Variants in SLC8A1 observed in about 807,000 individuals in gnomAD.
The protein encoded by SLC8A1 is sodium/calcium exchanger 1.
In SLC8A1, 18 loss-of-function variants were observed where a neutral mutation model predicts 68.3. The ratio of observed to expected loss-of-function variants is 0.26; its 90% CI spans 0.18 to 0.39. SLC8A1 has a LOEUF of 0.39. SLC8A1 is among the 10% of genes least tolerant of loss of function. SLC8A1 has a pLI of 1.00. For synonymous variants in SLC8A1, 475 were observed against 415.5 expected, an observed-to-expected ratio of 1.14 and a Z score of -1.74; for missense variants, 985 against 1,156.7, an observed-to-expected ratio of 0.85 and a Z score of 2.15.
chr2:40,444,176 A>C (rs1452413950), intron 1 of SLC8A1, among the ~76,000 whole-genome samples: 2 of 152,058 alleles, frequency 1.3e-5, no homozygotes, highest in Non-Finnish European at 2.9e-5. Context: ...CTCTACAAAA[A>C]TAAAATTAAA....
chr2:40,229,917 G>C (rs922781421), intron 2 of SLC8A1, among the ~76,000 whole-genome samples: 1 of 152,140 alleles, frequency 6.6e-6, no homozygotes, highest in Non-Finnish European at 1.5e-5. Flanking sequence ...AGATAAATAA[G>C]TTCATATCTT....
intron 1 of SLC8A1, among the ~76,000 whole-genome samples, chr2:40,490,978 T>C (rs1705277946): frequency 6.6e-6 from 1 of 152,158 alleles, no homozygotes; most frequent in East Asian, 1.9e-4. Flanking sequence ...CCATTCACTA[T>C]ACCTTCTATG....
chr2:40,379,043 T>C (rs1261521393), intron 2 of SLC8A1, among the ~76,000 whole-genome samples: 6 of 152,178 alleles, frequency 3.9e-5, no homozygotes, highest in Non-Finnish European at 8.8e-5. Context: ...TCCATCTTTG[T>C]CACTGTTTTA....
intron 2 of SLC8A1, among the ~76,000 whole-genome samples, chr2:40,239,904 G>T (rs552762569): frequency 6.6e-6 from 1 of 152,114 alleles, no homozygotes; most frequent in African/African-American, 2.4e-5. Flanking sequence ...CATGGAAACC[G>T]AACGAATATC....
chr2:40,347,708 T>C (rs1669784099), intron 2 of SLC8A1, among the ~76,000 whole-genome samples: 1 of 152,184 alleles, frequency 6.6e-6, no homozygotes, highest in African/African-American at 2.4e-5. Context: ...TGAAATACTT[T>C]CGAAATATTG....
At chr2:40,395,149 C>A (rs1686513967) in intron 2 of SLC8A1, among the ~76,000 whole-genome samples, 1 of 152,106 alleles carries the variant, frequency 6.6e-6, no homozygotes, top group Non-Finnish European at 1.5e-5. Flanking sequence ...AGGGGAACAA[C>A]AACAAAAGCA....
At chr2:40,203,723 TGA>T (rs1469684472) in intron 2 of SLC8A1, among the ~76,000 whole-genome samples, 2 of 151,982 alleles carry the variant, frequency 1.3e-5, no homozygotes, top group Non-Finnish European at 2.9e-5. Context: ...TATTTTATTT[TGA>T]GACAGGGTCT....
At chr2:40,454,480 C>CTTT (rs543088073), upstream of SLC8A1, among the ~76,000 whole-genome samples, 14 of 119,518 alleles carry the variant, frequency 1.2e-4, no homozygotes, top group African/African-American at 4.1e-4. Flanking sequence ...TGTCTTAAGA[C>CTTT]TTTTTTTTTT....
chr2:40,507,587 G>T (rs1027211672), intron 1 of SLC8A1, among the ~76,000 whole-genome samples: 1 of 151,818 alleles, frequency 6.6e-6, no homozygotes, highest in Non-Finnish European at 1.5e-5. Flanking sequence ...TTTTTAAAAG[G>T]CACGGAAATG....
At chr2:40,171,373 TTTAA>T (rs1432507287) in intron 4 of SLC8A1, among the ~76,000 whole-genome samples, 1 of 152,216 alleles carries the variant, frequency 6.6e-6, no homozygotes, top group African/African-American at 2.4e-5. Flanking sequence ...CTGACTGATT[TTTAA>T]TTAGAGAACT....
At chr2:40,488,373 T>G (rs966518459) in intron 1 of SLC8A1, among the ~76,000 whole-genome samples, 1 of 152,086 alleles carries the variant, frequency 6.6e-6, no homozygotes, top group Non-Finnish European at 1.5e-5. Flanking sequence ...TCAGGCCCAT[T>G]CGTATTCTCT....
At chr2:40,470,798 A>G (rs1010964823) in intron 1 of SLC8A1, among the ~76,000 whole-genome samples, 3 of 152,050 alleles carry the variant, frequency 2.0e-5, no homozygotes, top group Non-Finnish European at 4.4e-5. Context: ...AACAATAAAA[A>G]TAAAATTAAA....
At chr2:40,121,224 A>C (rs2036714734) in intron 7 of SLC8A1, among the ~76,000 whole-genome samples, 1 of 152,150 alleles carries the variant, frequency 6.6e-6, no homozygotes, top group Admixed American at 6.5e-5. Flanking sequence ...ACAGAAATAC[A>C]CCTTTTAACA....
intron 2 of SLC8A1, among the ~76,000 whole-genome samples, chr2:40,398,535 A>G (rs1687709136): frequency 6.6e-6 from 1 of 152,252 alleles, no homozygotes; most frequent in African/African-American, 2.4e-5. Context: ...CATACCATTA[A>G]GGTGACCCAC....
intron 2 of SLC8A1, among the ~76,000 whole-genome samples, chr2:40,207,946 T>C (rs1375479554): frequency 3.9e-5 from 6 of 152,060 alleles, no homozygotes; most frequent in East Asian, 3.9e-4. Flanking sequence ...CTCTGGGAAG[T>C]TGGGCAGATT....
chr2:40,379,074 A>T (rs777498397), intron 2 of SLC8A1, among the ~76,000 whole-genome samples: 1 of 152,154 alleles, frequency 6.6e-6, no homozygotes, highest in African/African-American at 2.4e-5. Context: ...CCAGAATAGC[A>T]TCTGGCTCAT....
intron 2 of SLC8A1, among the ~76,000 whole-genome samples, chr2:40,280,507 A>G (rs1467407379): frequency 6.6e-6 from 1 of 152,078 alleles, no homozygotes; most frequent in African/African-American, 2.4e-5. Flanking sequence ...CAATCATAAA[A>G]CTCTGATAAG....
intron 2 of SLC8A1, among the ~76,000 whole-genome samples, chr2:40,218,849 A>T (rs1475855443): frequency 6.6e-6 from 1 of 152,092 alleles, no homozygotes. Flanking sequence ...ATGTTCTGGG[A>T]ATCTGGGCTC....
intron 1 of SLC8A1, among the ~76,000 whole-genome samples, chr2:40,465,821 C>T (rs1298373014): frequency 2.0e-5 from 3 of 152,098 alleles, no homozygotes; most frequent in Non-Finnish European, 4.4e-5. Context: ...AATGCAACAG[C>T]ATTGGGAGGT....
Sources: allele counts gnomAD v4.1 joint callset (sites outside exome capture counted in the v4.1 genomes callset), GRCh38; gene constraint gnomAD v4.1.1; transcripts MANE v1.5; gene names NCBI Gene and HGNC (gene_info 2026-07-23, HGNC 2026-07-21).